The following BCCIP variants were observed in gnomAD, a reference collection of about 807,000 sequenced individuals.
The protein encoded by BCCIP is BRCA2 and CDKN1A interacting protein.
In BCCIP, 23 loss-of-function variants were observed where a neutral mutation model predicts 32.8. That is an observed-to-expected ratio of 0.70 (90% CI 0.51 to 0.99). BCCIP has a LOEUF of 0.99. BCCIP is among the 50% of genes least tolerant of loss of function. The pLI, the probability that BCCIP is intolerant of heterozygous loss-of-function variation, is 0.00. For synonymous variants in BCCIP, 144 were observed against 137.6 expected, an observed-to-expected ratio of 1.05 and a Z score of -0.33; for missense variants, 378 against 379.8, an observed-to-expected ratio of 1.00 and a Z score of 0.04.
chr10:125,841,879 A>G (rs1418842015), exon 7 of BCCIP: 3 of 1,612,940 alleles, frequency 1.9e-6, no homozygotes, highest in Admixed American at 1.7e-5. Context: ...TTCCATCATT[A>G]TCCAGTGCTG....
chr10:125,836,637 G>C, downstream of BCCIP: 1 of 1,589,522 alleles, frequency 6.3e-7, no homozygotes, highest in Non-Finnish European at 8.6e-7. Context: ...CAGCAGTTCA[G>C]CCATCCAGCT....
Sources: gnomAD v4.1 joint callset for allele counts on GRCh38, gnomAD v4.1.1 for gene constraint, MANE v1.5 for transcripts, NCBI Gene and HGNC (gene_info 2026-07-23, HGNC 2026-07-21) for gene names.